IRS1: variants seen among roughly 807,000 people sequenced by gnomAD.
The protein encoded by IRS1 is insulin receptor substrate 1.
A neutral mutation model predicts 65.6 loss-of-function variants in IRS1; 34 were observed. That is an observed-to-expected ratio of 0.52 (90% CI 0.39 to 0.69). The LOEUF is 0.69. Among genes scored for constraint, IRS1 ranks in the 30% least tolerant of loss-of-function variants. The pLI is 0.00. For synonymous variants in IRS1, 699 were observed against 683.5 expected (o/e 1.02, Z -0.35); for missense variants, 1,641 against 1,720.2 (o/e 0.95, Z 0.81).
chr2:226,798,536 C>T lies in IRS1; in HGVS notation c.203G>A (p.Ser68Asn), dbSNP rs1346780306. The T allele has an allele frequency of 1.2e-6, 2 of 1,613,966 alleles. No homozygotes were observed. Among genetic ancestry groups the T allele is most frequent in the African/African-American group, 2.7e-5 (2 of 74,944 alleles). ...SAPKRSIPLESCFNINKRADS... is the reference protein window; with the variant it reads ...SAPKRSIPLENCFNINKRADS... ...AGCCCGCTTGTTGATGTTGAAGCAGCTCTCAAGGGGGATCGAGCGTTTGGG... is the reference window on the plus strand; with the variant it reads ...AGCCCGCTTGTTGATGTTGAAGCAGTTCTCAAGGGGGATCGAGCGTTTGGG... Residue 68 changes from serine to asparagine, a missense_variant, in exon 1 of 2, where the codon AGC (serine) becomes AAC (asparagine). Physicochemically the swap from Ser to Asn is conservative, Grantham distance 46 (BLOSUM62 1). This residue lies in a region of IRS1 where 240 missense variants were observed against 229.6 expected (regional missense o/e 1.05). Coordinates refer to ENST00000305123, the MANE Select transcript of IRS1 (RefSeq NM_005544.3). The surrounding 1 kb of genome is among the most constrained non-coding windows in gnomAD (Gnocchi z 9.4).
intron 1 of IRS1, among the ~76,000 whole-genome samples, chr2:226,768,635 G>C (rs1939101606): frequency 6.6e-6 from 1 of 152,046 alleles, no homozygotes; most frequent in Non-Finnish European, 1.5e-5. Context: ...TGTGAAACTA[G>C]GTTCTGGCTG....
rs1939842767 is a variant in IRS1, at chr2:226,799,381, T to TGCTGCTGCTGCC, written c.-655_-644dup. On this transcript the variant is annotated 5_prime_UTR_variant, in exon 1 of 2. Transcript: ENST00000305123. This position sits in a 1 kb window ranked among gnomAD's most constrained non-coding sequence, Gnocchi z 6.1. ...CTGTTGCTGTTGCTGCTGCTGCTGC[T>TGCTGCTGCTGCC]GCTGCTGCTGCCGCCGCCCGCGGGC... 1.6e-6 allele frequency: 2 copies of TGCTGCTGCTGCC among 1,268,486 alleles called. No individual in the cohort carries two copies. The highest frequency in any genetic ancestry group is 2.5e-5 in the Admixed American group (1 of 39,808). 78.6% of individuals were successfully genotyped at this position (1,268,486 alleles called of 1,614,324 possible).
chr2:226,787,788 G>A (rs1449242340), intron 1 of IRS1, among the ~76,000 whole-genome samples: 1 of 152,046 alleles, frequency 6.6e-6, no homozygotes, highest in Non-Finnish European at 1.5e-5. Flanking sequence ...TATCCATAGA[G>A]CCCTCCAAAT....
At chr2:226,751,881 G>A (rs1015113018) in intron 1 of IRS1, among the ~76,000 whole-genome samples, 3 of 152,018 alleles carry the variant, frequency 2.0e-5, no homozygotes, top group African/African-American at 7.3e-5. Context: ...AAACCACAAA[G>A]CACAAATTTG....
intron 1 of IRS1, among the ~76,000 whole-genome samples, chr2:226,767,659 G>T (rs1018029670): frequency 6.6e-6 from 1 of 152,152 alleles, no homozygotes; most frequent in Non-Finnish European, 1.5e-5. Context: ...TTGACCAATG[G>T]GTATCTCAGA....
intron 1 of IRS1, among the ~76,000 whole-genome samples, chr2:226,768,323 T>C (rs73083630): frequency 6.6e-6 from 1 of 152,170 alleles, no homozygotes; most frequent in Non-Finnish European, 1.5e-5. Flanking sequence ...CTACTATCTG[T>C]CTGATTCACC....
chr2:226,789,335 C>A (rs1329269585), intron 1 of IRS1, among the ~76,000 whole-genome samples: 1 of 152,148 alleles, frequency 6.6e-6, no homozygotes, highest in African/African-American at 2.4e-5. Flanking sequence ...ATATTGGCAA[C>A]TCAACAGTCA....
In IRS1 at chr2:226,735,994, G is replaced by A. The variant is rs1337584888; in HGVS notation, c.*278C>T. 1.3e-5 allele frequency: 2 copies of A among 152,566 alleles called. No individual in the cohort carries two copies. The highest frequency in any genetic ancestry group is 6.6e-5 in the Admixed American group (1 of 15,266). The allele number at this position is 152,566 out of a possible 1,614,324, so 9.5% of individuals were successfully genotyped here. On this transcript the variant is annotated 3_prime_UTR_variant, in exon 2 of 2. Transcript: ENST00000305123. ...TCACTGTGGCCAGCTAAGTCCTTAA[G>A]GTTGAAGATGAAGTTTATGCAGACT... is the stretch of plus-strand genomic sequence containing the variant.
chr2:226,763,842 G>A (rs767024992), intron 1 of IRS1, among the ~76,000 whole-genome samples: 2 of 151,870 alleles, frequency 1.3e-5, no homozygotes, highest in Non-Finnish European at 2.9e-5. Flanking sequence ...TTTCTTTTTA[G>A]CAATACCCAA....
At chr2:226,745,028 G>T (rs1022904776) in intron 1 of IRS1, among the ~76,000 whole-genome samples, 4 of 152,134 alleles carry the variant, frequency 2.6e-5, no homozygotes, top group Admixed American at 2.0e-4. Flanking sequence ...GTATATGGCA[G>T]CATATTTCAA....
At chr2:226,750,713 C>A (rs561805436) in intron 1 of IRS1, among the ~76,000 whole-genome samples, 1 of 152,300 alleles carries the variant, frequency 6.6e-6, no homozygotes, top group African/African-American at 2.4e-5. Context: ...CCTTGTCTAG[C>A]TTTAGTGTCC....
At chr2:226,765,740 T>C (rs1939018707) in intron 1 of IRS1, among the ~76,000 whole-genome samples, 1 of 152,064 alleles carries the variant, frequency 6.6e-6, no homozygotes. Flanking sequence ...GCCACTTCCG[T>C]AAAAGAACTA....
intron 1 of IRS1, among the ~76,000 whole-genome samples, chr2:226,791,062 C>T (rs59567095): frequency 0.049 from 7,530 of 152,272 alleles, 381 homozygotes; most frequent in African/African-American, 0.13. Flanking sequence ...TCGCTGTGAG[C>T]TCCCTCACAG....
At chr2:226,767,049 C>G (rs986781302) in intron 1 of IRS1, among the ~76,000 whole-genome samples, 1 of 151,076 alleles carries the variant, frequency 6.6e-6, no homozygotes, top group Non-Finnish European at 1.5e-5. Flanking sequence ...AAGGTCAAAG[C>G]AAACTCACAT....
chr2:226,747,107 C>T (rs912232929), intron 1 of IRS1, among the ~76,000 whole-genome samples: 4 of 151,948 alleles, frequency 2.6e-5, no homozygotes, highest in Admixed American at 6.6e-5. Flanking sequence ...CATTCTTAAA[C>T]GAAACTGCAT....
chr2:226,791,961 G>A (rs1026966488), intron 1 of IRS1, among the ~76,000 whole-genome samples: 1 of 152,156 alleles, frequency 6.6e-6, no homozygotes, highest in African/African-American at 2.4e-5. Context: ...TGCAGGAAGC[G>A]GAGGTGACCC....
chr2:226,793,205 A>G (rs945122487), intron 1 of IRS1, among the ~76,000 whole-genome samples: 4 of 152,214 alleles, frequency 2.6e-5, no homozygotes, highest in African/African-American at 9.6e-5. Flanking sequence ...CTACTCTATA[A>G]AAAGAAACCT....
At chr2:226,760,925 G>C (rs1157160970) in intron 1 of IRS1, among the ~76,000 whole-genome samples, 2 of 152,162 alleles carry the variant, frequency 1.3e-5, no homozygotes, top group African/African-American at 4.8e-5. Flanking sequence ...CAGAAGACTT[G>C]GAACCAAATA....
intron 1 of IRS1, among the ~76,000 whole-genome samples, chr2:226,756,807 C>G (rs541558488): frequency 1.4e-4 from 21 of 152,144 alleles, no homozygotes; most frequent in East Asian, 9.7e-4. Context: ...ACTAAAAATA[C>G]AAAAATTAGC....
Sources: allele counts gnomAD v4.1 joint callset (sites outside exome capture counted in the v4.1 genomes callset), GRCh38; gene constraint gnomAD v4.1.1; regional missense constraint gnomAD v4.1.1; non-coding constraint Gnocchi (gnomAD v3.1); transcripts MANE v1.5; gene names NCBI Gene and HGNC (gene_info 2026-07-23, HGNC 2026-07-21).